FKBP9: variants seen among roughly 807,000 people sequenced by gnomAD.
FKBP9 encodes the protein peptidyl-prolyl cis-trans isomerase FKBP9.
FKBP9 carries 27 observed loss-of-function variants against 55.6 expected under a neutral mutation model. That is an observed-to-expected ratio of 0.49 (90% CI 0.36 to 0.67). FKBP9 has a LOEUF of 0.67. FKBP9 is among the 30% of genes least tolerant of loss of function. The pLI, the probability that FKBP9 is intolerant of heterozygous loss-of-function variation, is 0.00. For missense variants in FKBP9, 539 were observed against 742.8 expected (o/e 0.73, Z 3.19); for synonymous variants, 267 against 296.5 (o/e 0.90, Z 1.02).
intron 1 of FKBP9, among the ~76,000 whole-genome samples, chr7:32,965,396 G>T (rs1478922520): frequency 6.6e-6 from 1 of 152,114 alleles, no homozygotes; most frequent in Admixed American, 6.5e-5. Flanking sequence ...CTCCCAACGT[G>T]CTGGGATTAC....
chr7:32,972,231 G>C (rs1285073954), intron 1 of FKBP9, among the ~76,000 whole-genome samples: 1 of 152,146 alleles, frequency 6.6e-6, no homozygotes, highest in African/African-American at 2.4e-5. Context: ...GAGGTGTAAA[G>C]CTGACTTGGG....
chr7:32,982,984 A>ATATGTGTGTG (rs1554286046), intron 5 of FKBP9, among the ~76,000 whole-genome samples: 1 of 142,138 alleles, frequency 7.0e-6, no homozygotes, highest in Non-Finnish European at 1.5e-5. Flanking sequence ...GTCAAAGGTT[A>ATATGTGTGTG]TGTGTGTGTG....
intron 3 of FKBP9, among the ~76,000 whole-genome samples, chr7:32,975,639 G>GTTCT (rs1784349469): frequency 2.3e-5 from 3 of 132,752 alleles, no homozygotes; most frequent in African/African-American, 8.6e-5. Flanking sequence ...TAAGTGAAAG[G>GTTCT]TTCTATTTCT....
At chr7:32,962,458 T>C (rs11772190) in intron 1 of FKBP9, among the ~76,000 whole-genome samples, 45,633 of 152,122 alleles carry the variant, frequency 0.3, 8,204 homozygotes, top group African/African-American at 0.5. Flanking sequence ...TCATTTTGTA[T>C]ATTCATTCAT....
At chr7:32,991,773 A>C (rs1474771007) in intron 6 of FKBP9, among the ~76,000 whole-genome samples, 5 of 152,194 alleles carry the variant, frequency 3.3e-5, no homozygotes, top group Admixed American at 3.3e-4. Context: ...AAAGTGGAGA[A>C]TGGATTCTGC....
chr7:32,979,163 G>A (rs1784417508), intron 4 of FKBP9, among the ~76,000 whole-genome samples: 1 of 152,108 alleles, frequency 6.6e-6, no homozygotes, highest in South Asian at 2.1e-4. Context: ...CAGCTACTCG[G>A]GAAGCTGAGG....
chr7:32,957,817 C>A (rs748579182), intron 1 of FKBP9, 23 bp downstream of exon 1: 4 of 1,416,842 alleles, frequency 2.8e-6, no homozygotes, highest in South Asian at 3.1e-5. Context: ...TGGCGCCCGG[C>A]GCGGCCTCAG....
chr7:32,968,326 G>T (rs1784186988), intron 1 of FKBP9, among the ~76,000 whole-genome samples: 2 of 152,132 alleles, frequency 1.3e-5, no homozygotes, highest in Non-Finnish European at 2.9e-5. Context: ...GCCTGATTCT[G>T]TTTTCAGTTC....
At chr7:32,999,482 T>TTA (rs1784887137) in intron 7 of FKBP9, among the ~76,000 whole-genome samples, 2 of 151,858 alleles carry the variant, frequency 1.3e-5, no homozygotes, top group South Asian at 4.2e-4. Context: ...GGTCTTTTTT[T>TTA]TTTTTTTTTA....
rs776954291 is a variant in FKBP9 at position 33,006,274 on chromosome 7, C to T, written c.*923C>T. 1.5e-4 allele frequency: 28 copies of T among 188,916 alleles called. No homozygotes were observed. The highest frequency in any genetic ancestry group is 2.1e-4 in the African/African-American group (9 of 42,824). 11.7% of individuals were successfully genotyped at this position (188,916 alleles called of 1,614,324 possible). Reference sequence around the variant, plus strand: ...CTGGGACTACAGGTGTGCACCACCACGCCCGGCTAATTTTTGTATTTTTAG... The same window carrying T: ...CTGGGACTACAGGTGTGCACCACCATGCCCGGCTAATTTTTGTATTTTTAG... On this transcript the variant is annotated 3_prime_UTR_variant, in exon 10 of 10. Coordinates refer to ENST00000242209, the MANE Select transcript of FKBP9 (RefSeq NM_007270.5).
intron 1 of FKBP9, among the ~76,000 whole-genome samples, chr7:32,962,425 G>A (rs2127975813): frequency 6.6e-6 from 1 of 152,240 alleles, no homozygotes; most frequent in South Asian, 2.1e-4. Context: ...AAAGAATCAT[G>A]AACTCAATAA....
chr7:32,997,171 G>A (rs1448845027), intron 7 of FKBP9, among the ~76,000 whole-genome samples: 1 of 152,014 alleles, frequency 6.6e-6, no homozygotes, highest in East Asian at 1.9e-4. Context: ...CCAGGTTCAA[G>A]TGATCCTCCC....
At chr7:32,979,514 G>C (rs1784430159) in intron 4 of FKBP9, 13 of 1,550,378 alleles carry the variant, frequency 8.4e-6, no homozygotes, top group Non-Finnish European at 1.0e-5. Flanking sequence ...CCAGTGGAAG[G>C]AGCTCAGGCT....
Position 32,957,731 on chromosome 7 carries a change from G to A in FKBP9, c.158G>A (p.Ser53Asn), listed in dbSNP as rs200043329. The A allele has an allele frequency of 1.4e-4, 209 of 1,523,998 alleles. No homozygotes were observed. The East Asian group carries it at 4.2e-3, about 30-fold the overall frequency. The allele number at this position is 1,523,998 out of a possible 1,614,324, so 94.4% of individuals were successfully genotyped here. Reference sequence around the variant, plus strand: ...GACGAGTGCCCGCGCACCGTGCGCAGCGGCGACTTCGTGCGCTACCACTAC... The same window carrying A: ...GACGAGTGCCCGCGCACCGTGCGCAACGGCGACTTCGTGCGCTACCACTAC... ...VPDECPRTVR[S>N]GDFVRYHYVG... The change falls in exon 1 of 10, where the codon AGC becomes AAC. Residue 53 changes from serine (S) to asparagine (N), a missense_variant. Ser to Asn is a conservative substitution (Grantham distance 46). Around this residue, in one of 4 missense-constraint regions of FKBP9, gnomAD observed 236 missense variants for 271.5 expected, o/e 0.87. Transcript: ENST00000242209.
chr7:32,963,752 C>T, intron 1 of FKBP9: 1 of 1,283,882 alleles, frequency 7.8e-7, no homozygotes, highest in Non-Finnish European at 9.9e-7. Flanking sequence ...TTCATTCTCT[C>T]CCACTAGAAA....
In FKBP9 at chr7:33,006,181, T is replaced by C. The variant is rs1281730664; in HGVS notation, c.*830T>C. 7 of 185,874 alleles carry C rather than the reference T, an allele frequency of 3.8e-5. No individual in the cohort carries two copies. In the East Asian group the frequency reaches 5.9e-4, roughly 16 times the overall value. 11.5% of individuals were successfully genotyped at this position (185,874 alleles called of 1,614,324 possible). On this transcript the variant is annotated 3_prime_UTR_variant, in exon 10 of 10. Coordinates refer to ENST00000242209, the MANE Select transcript of FKBP9 (RefSeq NM_007270.5). ...GTGCCATCTCGGCTCACTGCAGCACTGTCTCGGCTCACTGCAGCCTCCGCC... is the reference window on the plus strand; with the variant it reads ...GTGCCATCTCGGCTCACTGCAGCACCGTCTCGGCTCACTGCAGCCTCCGCC...
At chr7:32,964,570 C>T (rs1386072711) in intron 1 of FKBP9, among the ~76,000 whole-genome samples, 3 of 152,160 alleles carry the variant, frequency 2.0e-5, no homozygotes, top group African/African-American at 2.4e-5. Flanking sequence ...TCTTTCATTT[C>T]TTCTCTGTTC....
intron 5 of FKBP9, among the ~76,000 whole-genome samples, chr7:32,986,546 G>T (rs2127985159): frequency 6.6e-6 from 1 of 152,356 alleles, no homozygotes; most frequent in South Asian, 2.1e-4. Context: ...CCAGGAGGAG[G>T]ATTGGAGCTG....
chr7:32,965,797 C>CAAAAAAAA (rs760247071), intron 1 of FKBP9, among the ~76,000 whole-genome samples: 6 of 38,550 alleles, frequency 1.6e-4, no homozygotes, highest in African/African-American at 8.3e-4. Flanking sequence ...GACTCCATGT[C>CAAAAAAAA]AAAAAAAAAA....
Sources: allele counts gnomAD v4.1 joint callset (sites outside exome capture counted in the v4.1 genomes callset), GRCh38; gene constraint gnomAD v4.1.1; regional missense constraint gnomAD v4.1.1; transcripts MANE v1.5; gene names NCBI Gene and HGNC (gene_info 2026-07-23, HGNC 2026-07-21).